The following CMSS1 variants were observed in gnomAD, a reference collection of about 807,000 sequenced individuals.
CMSS1 encodes cms1 ribosomal small subunit homolog.
In CMSS1, 33 loss-of-function variants were observed where a neutral mutation model predicts 43.5. The observed-to-expected ratio is 0.76, with a 90% CI of 0.57 to 1.01. CMSS1 has a LOEUF of 1.01. Among genes scored for constraint, CMSS1 ranks in the 50% least tolerant of loss-of-function variants. The pLI is 0.00. For synonymous variants in CMSS1, 115 were observed against 117.2 expected, an observed-to-expected ratio of 0.98 and a Z score of 0.12; for missense variants, 313 against 326.4, an observed-to-expected ratio of 0.96 and a Z score of 0.32.
intron 1 of CMSS1, among the ~76,000 whole-genome samples, chr3:99,985,293 A>G (rs1709304557): frequency 6.6e-6 from 1 of 152,134 alleles, no homozygotes; most frequent in Admixed American, 6.5e-5. Flanking sequence ...ACACTTTGGT[A>G]GGCTGAGGTG....
At chr3:99,876,612 G>T (rs939884624) in intron 1 of CMSS1, among the ~76,000 whole-genome samples, 5 of 152,108 alleles carry the variant, frequency 3.3e-5, no homozygotes, top group African/African-American at 4.8e-5. Flanking sequence ...AGAAGTCTGG[G>T]GTTTTGTGGA....
At chr3:99,908,816 A>G (rs1453588970) in intron 1 of CMSS1, among the ~76,000 whole-genome samples, 1 of 152,140 alleles carries the variant, frequency 6.6e-6, no homozygotes, top group Non-Finnish European at 1.5e-5. Context: ...CTTTCTTTGT[A>G]TTTTTTGTAT....
At chr3:99,979,099 C>T (rs1047072686) in intron 1 of CMSS1, among the ~76,000 whole-genome samples, 1 of 152,156 alleles carries the variant, frequency 6.6e-6, no homozygotes, top group Non-Finnish European at 1.5e-5. Flanking sequence ...GGATTTCTAA[C>T]TTCCCCAACA....
At chr3:100,176,019 G>A (rs1183303796) in intron 8 of CMSS1, among the ~76,000 whole-genome samples, 2 of 152,206 alleles carry the variant, frequency 1.3e-5, no homozygotes, top group Non-Finnish European at 2.9e-5. Flanking sequence ...ATCCCTGTCA[G>A]GAATGAGACT....
intron 1 of CMSS1, among the ~76,000 whole-genome samples, chr3:99,897,380 A>C (rs935427724): frequency 4.6e-5 from 7 of 152,128 alleles, no homozygotes; most frequent in African/African-American, 1.7e-4. Context: ...AAAAAAAAAA[A>C]AAGTTGGCTT....
intron 1 of CMSS1, among the ~76,000 whole-genome samples, chr3:99,942,090 G>GCCTGTAGTC (rs1185769684): frequency 6.6e-6 from 1 of 151,956 alleles, no homozygotes; most frequent in East Asian, 1.9e-4. Flanking sequence ...GGTGGTGGGC[G>GCCTGTAGTC]CCTGTAGTCC....
At chr3:99,937,541 C>A (rs1707718279) in intron 1 of CMSS1, among the ~76,000 whole-genome samples, 2 of 152,166 alleles carry the variant, frequency 1.3e-5, no homozygotes, top group Admixed American at 1.3e-4. Context: ...AGCTCTGTGG[C>A]CTTGGGCGTC....
intron 1 of CMSS1, among the ~76,000 whole-genome samples, chr3:100,021,899 T>G (rs1179945533): frequency 6.7e-6 from 1 of 149,308 alleles, no homozygotes; most frequent in Non-Finnish European, 1.5e-5. Context: ...TAGAATAGCT[T>G]GGATGCTAGA....
At chr3:100,081,141 G>A (rs1319542080) in intron 1 of CMSS1, among the ~76,000 whole-genome samples, 2 of 152,086 alleles carry the variant, frequency 1.3e-5, no homozygotes, top group Non-Finnish European at 1.5e-5. Flanking sequence ...GAAAAGAATT[G>A]CAGAACTTCA....
At chr3:100,160,099 T>C (rs1194146510) in intron 2 of CMSS1, among the ~76,000 whole-genome samples, 6 of 152,186 alleles carry the variant, frequency 3.9e-5, no homozygotes, top group African/African-American at 1.4e-4. Flanking sequence ...CACATCGATT[T>C]CTGCTGTATT....
Position 99,817,977 on chromosome 3 carries a change from G to C in CMSS1, c.-3G>C. ...TTCTGCCCACGTCGAGACCTGAGCT[G>C]AAATGGCAGACGATCTCGGAGACGA... is the stretch of plus-strand genomic sequence containing the variant. On this transcript the variant is annotated 5_prime_UTR_variant, in exon 1 of 10. It removes the in-frame stop codon of an upstream open reading frame in the 5' UTR. Coordinates refer to ENST00000421999, the MANE Select transcript of CMSS1 (RefSeq NM_032359.4). The C allele has an allele frequency of 6.2e-7, 1 of 1,614,026 alleles. No individual in the cohort carries two copies. Among genetic ancestry groups the C allele is most frequent in the Non-Finnish European group, 8.5e-7 (1 of 1,179,986 alleles).
intron 1 of CMSS1, among the ~76,000 whole-genome samples, chr3:100,120,452 C>T (rs189545441): frequency 1.8e-4 from 27 of 152,284 alleles, no homozygotes; most frequent in African/African-American, 5.5e-4. Flanking sequence ...GGAAAATACA[C>T]GAGTTAGAAG....
At chr3:100,170,556 AG>A (rs1291278729) in intron 6 of CMSS1, among the ~76,000 whole-genome samples, 3 of 152,198 alleles carry the variant, frequency 2.0e-5, no homozygotes, top group Non-Finnish European at 4.4e-5. Flanking sequence ...GGGTTTAAGA[AG>A]AAAAAAAAAG....
chr3:99,992,130 A>C (rs1709542408), intron 1 of CMSS1, among the ~76,000 whole-genome samples: 1 of 151,878 alleles, frequency 6.6e-6, no homozygotes, highest in Admixed American at 6.6e-5. Flanking sequence ...TGATAAAAAT[A>C]CAAGTGCAGC....
chr3:100,008,247 C>G (rs1710043938), intron 1 of CMSS1, among the ~76,000 whole-genome samples: 1 of 152,140 alleles, frequency 6.6e-6, no homozygotes, highest in Non-Finnish European at 1.5e-5. Flanking sequence ...CTACTCCACC[C>G]CTGCTTCCCA....
chr3:100,167,186 C>G (rs77400997), intron 5 of CMSS1, among the ~76,000 whole-genome samples: 1 of 152,146 alleles, frequency 6.6e-6, no homozygotes, highest in Non-Finnish European at 1.5e-5. Flanking sequence ...TCTGATGACA[C>G]TCAACTTGAG....
At chr3:100,156,806 G>A (rs2066979161) in intron 2 of CMSS1, among the ~76,000 whole-genome samples, 1 of 151,856 alleles carries the variant, frequency 6.6e-6, no homozygotes, top group African/African-American at 2.4e-5. Context: ...TAGTAGAGAT[G>A]GGGTTTCACC....
chr3:100,120,249 CAT>C lies in CMSS1; in HGVS notation c.65-26722_65-26721del, dbSNP rs146841849. On this transcript the variant is annotated intron_variant, in intron 1 of 9. Transcript: ENST00000421999. ...GTCATTATGTAATGCTTTTCTCTGG[CAT>C]AGCTATCATCGTTCAGTAGCCTTGT... is the stretch of plus-strand genomic sequence containing the variant. 6.2e-3 allele frequency among the ~76,000 whole-genome samples: 938 copies of C among 152,340 alleles called. 6 individuals carry two copies. Among genetic ancestry groups the C allele is most frequent in the African/African-American group, 0.018 (745 of 41,590 alleles).
At chr3:99,872,412 T>C (rs1436851968) in intron 1 of CMSS1, among the ~76,000 whole-genome samples, 1 of 152,054 alleles carries the variant, frequency 6.6e-6, no homozygotes, top group East Asian at 1.9e-4. Flanking sequence ...TTTGCTGTTC[T>C]GATGTAATGT....
Sources: allele counts gnomAD v4.1 joint callset (sites outside exome capture counted in the v4.1 genomes callset), GRCh38; gene constraint gnomAD v4.1.1; transcripts MANE v1.5; gene names NCBI Gene and HGNC (gene_info 2026-07-23, HGNC 2026-07-21).